Variants in GNA14 observed in about 807,000 individuals in gnomAD.
GNA14 encodes the protein guanine nucleotide-binding protein subunit alpha-14.
In GNA14, 50 loss-of-function variants were observed where a neutral mutation model predicts 42.0. The ratio of observed to expected loss-of-function variants is 1.19; its 90% CI spans 0.95 to 1.51. The LOEUF is 1.51. Ranked by LOEUF, GNA14 falls within the 40% of genes most tolerant of loss-of-function variation. GNA14 has a pLI of 0.00. For synonymous variants in GNA14, 173 were observed against 163.1 expected (o/e 1.06, Z -0.46); for missense variants, 473 against 446.2 (o/e 1.06, Z -0.54).
chr9:77,524,798 A>T (rs1291497894), intron 2 of GNA14, among the ~76,000 whole-genome samples: 1 of 151,918 alleles, frequency 6.6e-6, no homozygotes, highest in East Asian at 1.9e-4. Context: ...AACAAGTAAT[A>T]AAAAAAATGA....
At chr9:77,446,807 T>C (rs930468637) in intron 2 of GNA14, among the ~76,000 whole-genome samples, 1 of 152,204 alleles carries the variant, frequency 6.6e-6, no homozygotes, top group African/African-American at 2.4e-5. Flanking sequence ...GTTTTAACTT[T>C]AGTAAATTTT....
intron 1 of GNA14, among the ~76,000 whole-genome samples, chr9:77,537,548 C>T (rs963518288): frequency 2.1e-4 from 32 of 152,232 alleles, no homozygotes; most frequent in African/African-American, 6.5e-4. Context: ...AACATGCAAG[C>T]GCAGGTATTC....
chr9:77,608,732 G>GGTTT (rs772823244), intron 1 of GNA14, among the ~76,000 whole-genome samples: 1 of 121,166 alleles, frequency 8.3e-6, no homozygotes, highest in African/African-American at 3.0e-5. Context: ...CCAATATCCT[G>GGTTT]TTTTTTTTTT....
chr9:77,535,232 G>A (rs994434936), intron 1 of GNA14, among the ~76,000 whole-genome samples: 4 of 152,130 alleles, frequency 2.6e-5, no homozygotes, highest in African/African-American at 7.2e-5. Context: ...GCAACCCTGG[G>A]GCTTGTTTAA....
At chr9:77,442,633 T>C (rs77433989) in intron 2 of GNA14, among the ~76,000 whole-genome samples, 5 of 152,156 alleles carry the variant, frequency 3.3e-5, no homozygotes, top group Non-Finnish European at 5.9e-5. Flanking sequence ...TAGGATTCCA[T>C]AGGGCAGCCT....
chr9:77,479,616 T>C (rs1310894369), intron 2 of GNA14, among the ~76,000 whole-genome samples: 1 of 152,136 alleles, frequency 6.6e-6, no homozygotes, highest in African/African-American at 2.4e-5. Context: ...CCTTGGGCAG[T>C]ATGGCCATTT....
At chr9:77,491,376 G>T (rs1490678626) in intron 2 of GNA14, among the ~76,000 whole-genome samples, 2 of 152,166 alleles carry the variant, frequency 1.3e-5, no homozygotes, top group African/African-American at 4.8e-5. Context: ...TGGCTTAATG[G>T]ATAAAGAAAC....
At chr9:77,525,926 G>C (rs1184721307) in intron 2 of GNA14, among the ~76,000 whole-genome samples, 1 of 143,826 alleles carries the variant, frequency 7.0e-6, no homozygotes, top group Admixed American at 7.1e-5. Context: ...AAAAAAAAAC[G>C]GAGTTTCACT....
intron 2 of GNA14, among the ~76,000 whole-genome samples, chr9:77,476,800 A>T (rs1836434449): frequency 6.6e-6 from 1 of 152,226 alleles, no homozygotes; most frequent in South Asian, 2.1e-4. Flanking sequence ...GAAACCTTGT[A>T]TCTCTTGGGG....
intron 2 of GNA14, among the ~76,000 whole-genome samples, chr9:77,481,824 C>G (rs147346915): frequency 0.011 from 1,643 of 151,948 alleles, 17 homozygotes; most frequent in East Asian, 0.021. Context: ...TGTCTCTTTT[C>G]ATCTTTGTTG....
intron 1 of GNA14, among the ~76,000 whole-genome samples, chr9:77,550,071 A>ATTC (rs1837770953): frequency 6.6e-6 from 1 of 152,012 alleles, no homozygotes; most frequent in African/African-American, 2.4e-5. Flanking sequence ...GGGTGCACAT[A>ATTC]AAGTCTTTTG....
At chr9:77,476,120 G>A (rs1836417386) in intron 2 of GNA14, among the ~76,000 whole-genome samples, 1 of 152,180 alleles carries the variant, frequency 6.6e-6, no homozygotes, top group Non-Finnish European at 1.5e-5. Context: ...TAGCTTAGAT[G>A]GGTTTAAACA....
chr9:77,475,733 C>A (rs907225851), intron 2 of GNA14, among the ~76,000 whole-genome samples: 1 of 152,126 alleles, frequency 6.6e-6, no homozygotes, highest in Non-Finnish European at 1.5e-5. Context: ...TTAAGGGGAC[C>A]GGACATGCAT....
intron 2 of GNA14, among the ~76,000 whole-genome samples, chr9:77,478,334 A>G (rs1836471531): frequency 6.6e-6 from 1 of 152,294 alleles, no homozygotes. Flanking sequence ...AATTTCATCC[A>G]TGTCCCTACA....
intron 1 of GNA14, among the ~76,000 whole-genome samples, chr9:77,590,329 G>A (rs1459795685): frequency 6.6e-6 from 1 of 152,198 alleles, no homozygotes; most frequent in Non-Finnish European, 1.5e-5. Flanking sequence ...GCTTTGCACT[G>A]AAGGGGACTG....
intron 1 of GNA14, among the ~76,000 whole-genome samples, chr9:77,646,377 G>A (rs948485664): frequency 1.3e-5 from 2 of 152,108 alleles, no homozygotes; most frequent in African/African-American, 4.8e-5. Flanking sequence ...GGGCAGCATG[G>A]TCTCTGGGTA....
intron 1 of GNA14, among the ~76,000 whole-genome samples, chr9:77,641,513 C>A (rs943795504): frequency 6.6e-6 from 1 of 150,744 alleles, no homozygotes; most frequent in Admixed American, 6.6e-5. Flanking sequence ...CAGAAAAGCA[C>A]AGTGGGGATC....
intron 1 of GNA14, among the ~76,000 whole-genome samples, chr9:77,567,452 C>T (rs1339935036): frequency 6.6e-5 from 10 of 152,132 alleles, no homozygotes. Flanking sequence ...AATTCATTCT[C>T]AGTATGCAGT....
intron 1 of GNA14, among the ~76,000 whole-genome samples, chr9:77,545,874 A>G (rs1297101426): frequency 6.6e-6 from 1 of 152,178 alleles, no homozygotes; most frequent in Non-Finnish European, 1.5e-5. Context: ...ATCAGCAACT[A>G]TCTTCTCCCT....
Sources: gnomAD v4.1 joint callset for allele counts (sites outside exome capture counted in the v4.1 genomes callset) on GRCh38, gnomAD v4.1.1 for gene constraint, MANE v1.5 for transcripts, NCBI Gene and HGNC (gene_info 2026-07-23, HGNC 2026-07-21) for gene names.